DPH1: variants seen among roughly 807,000 people sequenced by gnomAD.
DPH1 encodes the protein 2-(3-amino-3-carboxypropyl)histidine synthase subunit 1.
DPH1 carries 59 observed loss-of-function variants against 55.3 expected under a neutral mutation model. The ratio of observed to expected loss-of-function variants is 1.07; its 90% CI spans 0.87 to 1.33. The LOEUF (loss-of-function observed/expected upper bound fraction) is 1.33, where lower values mean the gene tolerates loss of function less well. Among genes scored for constraint, DPH1 ranks in the 40% most tolerant of loss-of-function variants. The pLI is 0.00. For synonymous variants in DPH1, 238 were observed against 235.5 expected, an observed-to-expected ratio of 1.01 and a Z score of -0.10; for missense variants, 628 against 584.8, an observed-to-expected ratio of 1.07 and a Z score of -0.76.
rs372722896 is a variant in DPH1, at chr17:2,036,814, C to G, written c.559-21C>G. 1 of 1,612,098 alleles carries G rather than the reference C, an allele frequency of 6.2e-7. No individual in the cohort carries two copies. Among genetic ancestry groups the G allele is most frequent in the African/African-American group, 1.3e-5 (1 of 74,880 alleles). ...TCTCCTGCCCCAGCCGCTGGCTTCA[C>G]TTCCCTCGTCATTCCTACAGGCAGC... On this transcript the variant is annotated intron_variant, in intron 5 of 12. Coordinates refer to ENST00000263083, the MANE Select transcript of DPH1 (RefSeq NM_001383.6). The surrounding 1 kb of genome is among the most constrained non-coding windows in gnomAD (Gnocchi z 4.8).
chr17:2,033,431 A>G lies in DPH1; in HGVS notation c.62-74A>G, dbSNP rs189087083. On this transcript the variant is annotated intron_variant, in intron 1 of 12. Coordinates refer to ENST00000263083, the MANE Select transcript of DPH1 (RefSeq NM_001383.6). ...AGCGGGGGCACCGGCAGGCCCTGAA[A>G]AGGGATCCCTATTCCATCTCAATCT... The G allele has an allele frequency of 3.4e-5, 54 of 1,607,228 alleles. No homozygotes were observed. The Admixed American group carries it at 8.9e-4, about 26-fold the overall frequency.
At chr17:2,042,089 C>T (rs1409720219) in intron 12 of DPH1, 3 of 1,567,462 alleles carry the variant, frequency 1.9e-6, no homozygotes, top group African/African-American at 1.4e-5. Flanking sequence ...GCCTGGCGGG[C>T]TTCCGGCAGA....
rs746354384 is a variant in DPH1 at position 2,042,888 on chromosome 17, T to C, written c.*302T>C. 24 of 1,614,072 alleles carry C rather than the reference T, an allele frequency of 1.5e-5. No homozygotes were observed. The highest frequency in any genetic ancestry group is 1.9e-5 in the Non-Finnish European group (22 of 1,180,040). ...TGTCTGGTTTCTGTCCCCGGGGCAT[T>C]GGGTTCAAGGAATCCATCCTGCAAA... On this transcript the variant is annotated 3_prime_UTR_variant, in exon 13 of 13. Coordinates refer to ENST00000263083, the MANE Select transcript of DPH1 (RefSeq NM_001383.6).
In DPH1 at chr17:2,042,079, G is replaced by C. The variant is rs773105305; in HGVS notation, c.*18+204G>C. ...GCGCAGCGACCCCTGCGGGTCCTGT[G>C]CCTGGCGGGCTTCCGGCAGAGCGAG... On this transcript the variant is annotated intron_variant, in intron 12 of 12. Coordinates refer to ENST00000263083, the MANE Select transcript of DPH1 (RefSeq NM_001383.6). 1.9e-6 allele frequency: 3 copies of C among 1,564,174 alleles called. No homozygotes were observed. In the African/African-American group the frequency reaches 4.1e-5, roughly 22 times the overall value.
intron 3 of DPH1, among the ~76,000 whole-genome samples, chr17:2,035,683 C>A (rs924104465): frequency 5.3e-5 from 8 of 152,096 alleles, no homozygotes; most frequent in African/African-American, 1.7e-4. Context: ...TGTGTTTTGA[C>A]CCCACGTGTG....
At chr17:2,042,429 T>TC in intron 12 of DPH1, 176 bp from the exon 13 acceptor site, 1 of 1,251,434 alleles carries the variant, frequency 8.0e-7, no homozygotes, top group Non-Finnish European at 1.0e-6. Context: ...ACCGTCTTCC[T>TC]CCGCTGTCTC....
At position 2,041,287 on chromosome 17, in the gene DPH1, C is replaced by G. The variant is rs1185825397; in HGVS notation, c.1086+106C>G. ...CAGCACTTCGTTATGTTCGTAGATT[C>G]CGGAGTCTGTCTCGATTTCTCCAGC... On this transcript the variant is annotated intron_variant, in intron 10 of 12. Transcript: ENST00000263083. 2.0e-6 allele frequency: 3 copies of G among 1,482,670 alleles called. No homozygotes were observed. In the African/African-American group the frequency reaches 4.2e-5, roughly 21 times the overall value. The allele number at this position is 1,482,670 out of a possible 1,614,324, so 91.8% of individuals were successfully genotyped here. A position where few individuals can be genotyped will look rare whatever the true frequency, so the allele number is the denominator to read the frequency against.
intron 12 of DPH1, 68 bp downstream of exon 12, chr17:2,041,943 GGCCCGCCCTCGGGGCGGT>G (rs2067537425): frequency 1.3e-6 from 2 of 1,526,774 alleles, no homozygotes; most frequent in Non-Finnish European, 1.7e-6. Flanking sequence ...GGCGCTCCGA[GGCCCGCCCTCGGGGCGGT>G]GCTGACGTTC....
In DPH1 at chr17:2,043,033, G is replaced by A. The variant is rs778612638; in HGVS notation, c.*447G>A. On this transcript the variant is annotated 3_prime_UTR_variant, in exon 13 of 13. Transcript: ENST00000263083. Reference sequence around the variant, plus strand: ...AGCCATCACCCTCACCCACTCTGGTGGCCACTTCATTCCAGCAGCTGCACC... The same window carrying A: ...AGCCATCACCCTCACCCACTCTGGTAGCCACTTCATTCCAGCAGCTGCACC... 75 of 1,614,028 alleles carry A rather than the reference G, an allele frequency of 4.6e-5. 1 individual carries two copies. In the Middle Eastern group the frequency reaches 1.3e-3, roughly 28 times the overall value.
intron 7 of DPH1, 142 bp from the exon 8 acceptor site, chr17:2,040,076 C>A: frequency 8.0e-7 from 1 of 1,253,038 alleles, no homozygotes; most frequent in Non-Finnish European, 1.1e-6. Flanking sequence ...TTCCTAATGA[C>A]AGTCCCCGCT....
At chr17:2,039,374 C>CT (rs550518816) in intron 6 of DPH1, 8,750 of 142,478 alleles carry the variant, frequency 0.061, 768 homozygotes, top group East Asian at 0.49. Context: ...CTGTGGACTT[C>CT]TTTTTTTTTT....
intron 3 of DPH1, among the ~76,000 whole-genome samples, chr17:2,035,432 A>AGGGAGTGG (rs2067402508): frequency 5.2e-5 from 1 of 19,336 alleles, no homozygotes; most frequent in Non-Finnish European, 1.2e-4. Context: ...TCCGGACGAG[A>AGGGAGTGG]GGGCCCTGCC....
chr17:2,042,027 C>A (rs1016798779), intron 12 of DPH1, 152 bp downstream of exon 12: 3 of 1,499,382 alleles, frequency 2.0e-6, no homozygotes, highest in Non-Finnish European at 2.7e-6. Context: ...CCGGTGCTTC[C>A]GTCGCTCCTT....
Position 2,036,049 on chromosome 17 carries a change from C to T in DPH1, c.358C>T (p.Leu120=), listed in dbSNP as rs2067419139. 6.2e-7 allele frequency: 1 copy of T among 1,613,980 alleles called. No individual in the cohort carries two copies. Among genetic ancestry groups the T allele is most frequent in the East Asian group, 2.2e-5 (1 of 44,880 alleles). The change falls in exon 4 of 13, where the codon CTG becomes TTG. Residue 120 remains leucine, a synonymous_variant. Transcript: ENST00000263083. The surrounding 1 kb of genome is among the most constrained non-coding windows in gnomAD (Gnocchi z 4.8). ...CCVDDFTARA[L]GADFLVHYGH... ...TGTGGATGACTTCACAGCGAGGGCC[C>T]TGGGAGCTGACTTCTTGGTGCACTA...
In DPH1 at chr17:2,041,629, G is replaced by A. The variant is rs1243872863; in HGVS notation, c.1227+8G>A. 10 of 1,600,834 alleles carry A rather than the reference G, an allele frequency of 6.2e-6. No homozygotes were observed. The highest frequency in any genetic ancestry group is 8.5e-6 in the Non-Finnish European group (10 of 1,174,618). ...CGGCCCGCGCGGGGGAAGGTAGGCG[G>A]GGGCTTCCAGGAGGGAGGAGAGACC... On this transcript the variant is annotated splice_region_variant and intron_variant, in intron 11 of 12. Transcript: ENST00000263083.
chr17:2,042,523 A>C, intron 12 of DPH1, 82 bp from the exon 13 acceptor site: 1 of 1,454,810 alleles, frequency 6.9e-7, no homozygotes, highest in Non-Finnish European at 9.1e-7. Flanking sequence ...TGTCATCTCG[A>C]ACCCTCCTGC....
intron 3 of DPH1, among the ~76,000 whole-genome samples, chr17:2,035,542 G>GTGGGGAGGTAGTGGGGGTCCGGA (rs2067409109): frequency 8.9e-6 from 1 of 112,576 alleles, no homozygotes; most frequent in Admixed American, 9.0e-5. Context: ...GGGGGTCCCG[G>GTGGGGAGGTAGTGGGGGTCCGGA]CAAGAGGGAG....
Position 2,030,168 on chromosome 17 carries a change from T to A in DPH1, c.-2T>A. On this transcript the variant is annotated 5_prime_UTR_variant, in exon 1 of 13. Transcript: ENST00000263083. ...TTTTAGTACCACATGCGCAGGCAGG[T>A]GATGGCGGCGCTGGTCGTATCCGGG... 6.2e-7 allele frequency: 1 copy of A among 1,602,600 alleles called. No homozygotes were observed. The highest frequency in any genetic ancestry group is 8.5e-7 in the Non-Finnish European group (1 of 1,175,610).
At chr17:2,038,538 G>A (rs1330344250) in intron 6 of DPH1, among the ~76,000 whole-genome samples, 1 of 152,166 alleles carries the variant, frequency 6.6e-6, no homozygotes, top group Non-Finnish European at 1.5e-5. Flanking sequence ...TCCGCCTCCT[G>A]TCAGATCCGC....
Sources: gnomAD v4.1 joint callset for allele counts (sites outside exome capture counted in the v4.1 genomes callset) on GRCh38, gnomAD v4.1.1 for gene constraint, Gnocchi (gnomAD v3.1) non-coding constraint, MANE v1.5 for transcripts, NCBI Gene and HGNC (gene_info 2026-07-23, HGNC 2026-07-21) for gene names.